Variants in KLHL29 observed in about 807,000 individuals in gnomAD.
The protein encoded by KLHL29 is kelch-like protein 29.
In KLHL29, 21 loss-of-function variants were observed where a neutral mutation model predicts 80.4. The ratio of observed to expected loss-of-function variants is 0.26; its 90% CI spans 0.19 to 0.38. KLHL29 has a LOEUF of 0.38. Ranked by LOEUF, KLHL29 falls within the 10% of genes least tolerant of loss-of-function variation. KLHL29 has a pLI of 1.00. For synonymous variants in KLHL29, 511 were observed against 526.8 expected, an observed-to-expected ratio of 0.97 and a Z score of 0.41; for missense variants, 867 against 1,223.9, an observed-to-expected ratio of 0.71 and a Z score of 4.35.
At chr2:23,426,935 A>G (rs1663021270) in intron 1 of KLHL29, among the ~76,000 whole-genome samples, 1 of 152,306 alleles carries the variant, frequency 6.6e-6, no homozygotes, top group African/African-American at 2.4e-5. Flanking sequence ...AGAAAAGAAC[A>G]TTGCTTTCAA....
intron 3 of KLHL29, among the ~76,000 whole-genome samples, chr2:23,587,420 A>G (rs10204807): frequency 0.81 from 123,814 of 151,978 alleles, 50,695 homozygotes; most frequent in East Asian, 1. Flanking sequence ...CCTTAGAGTC[A>G]GAGGAAATTT....
intron 2 of KLHL29, among the ~76,000 whole-genome samples, chr2:23,504,642 G>A (rs554702239): frequency 8.5e-5 from 13 of 152,252 alleles, no homozygotes; most frequent in African/African-American, 2.9e-4. Flanking sequence ...GAACTGGAAG[G>A]GGGTAGGCAC....
intron 2 of KLHL29, among the ~76,000 whole-genome samples, chr2:23,486,752 C>T (rs926595671): frequency 7.2e-5 from 11 of 152,238 alleles, no homozygotes; most frequent in African/African-American, 2.7e-4. Context: ...GGGCAGCTCC[C>T]TGCTCACCTC....
At chr2:23,636,377 G>T (rs1669609315) in intron 3 of KLHL29, among the ~76,000 whole-genome samples, 1 of 150,804 alleles carries the variant, frequency 6.6e-6, no homozygotes, top group African/African-American at 2.4e-5. Flanking sequence ...AAAATGGGTA[G>T]CCTTATGTAT....
rs1663347354 is a variant in KLHL29 at position 23,436,491 on chromosome 2, A to G, written c.-153-39069A>G. Among the ~76,000 whole-genome samples the G allele has an allele frequency of 2.6e-5, 4 of 151,944 alleles. No individual in the cohort carries two copies. The South Asian group carries it at 8.3e-4, about 32-fold the overall frequency. Reference sequence around the variant, plus strand: ...CTTCCTGTGCTTCAGGAGCAGAATGACTCTCCTCATTGTCTGTGGGTTTAG... The same window carrying G: ...CTTCCTGTGCTTCAGGAGCAGAATGGCTCTCCTCATTGTCTGTGGGTTTAG... On this transcript the variant is annotated intron_variant, in intron 1 of 13. Transcript: ENST00000486442.
At chr2:23,387,012 C>G (rs1054919592) in intron 1 of KLHL29, among the ~76,000 whole-genome samples, 1 of 152,150 alleles carries the variant, frequency 6.6e-6, no homozygotes, top group East Asian at 1.9e-4. Flanking sequence ...CGCGCGGGCC[C>G]CCAGAGATGC....
At chr2:23,541,793 A>G (rs1666846009) in intron 2 of KLHL29, among the ~76,000 whole-genome samples, 1 of 151,688 alleles carries the variant, frequency 6.6e-6, no homozygotes, top group Non-Finnish European at 1.5e-5. Context: ...AAACCATAAA[A>G]CTGGTGCTCC....
intron 2 of KLHL29, among the ~76,000 whole-genome samples, chr2:23,527,776 A>G (rs771680294): frequency 2.0e-5 from 3 of 152,230 alleles, no homozygotes; most frequent in African/African-American, 7.2e-5. Context: ...CCAAGCCTCC[A>G]TAGGAGCAAC....
At chr2:23,570,085 T>A (rs1478990117) in intron 3 of KLHL29, among the ~76,000 whole-genome samples, 1 of 152,206 alleles carries the variant, frequency 6.6e-6, no homozygotes, top group Non-Finnish European at 1.5e-5. Flanking sequence ...TTAATTTTCA[T>A]TGTGAATCTG....
At chr2:23,590,127 A>C (rs1668218923) in intron 3 of KLHL29, among the ~76,000 whole-genome samples, 1 of 152,228 alleles carries the variant, frequency 6.6e-6, no homozygotes, top group Admixed American at 6.5e-5. Flanking sequence ...TCAAGGTCAC[A>C]CAGCATCTAT....
chr2:23,643,182 T>A, intron 5 of KLHL29: 1 of 483,326 alleles, frequency 2.1e-6, no homozygotes, highest in Non-Finnish European at 3.9e-6. Context: ...CAGGCCAAGC[T>A]GCAAAAGGGT....
At chr2:23,535,717 A>G (rs1474014225) in intron 2 of KLHL29, among the ~76,000 whole-genome samples, 2 of 152,174 alleles carry the variant, frequency 1.3e-5, no homozygotes, top group African/African-American at 2.4e-5. Flanking sequence ...ATTCATAGAG[A>G]CGGAAAGTAG....
chr2:23,659,033 G>A (rs1480998959), intron 5 of KLHL29, among the ~76,000 whole-genome samples: 1 of 152,172 alleles, frequency 6.6e-6, no homozygotes, highest in Non-Finnish European at 1.5e-5. Flanking sequence ...TTTCATGTCT[G>A]TCTCCCCCAC....
intron 2 of KLHL29, among the ~76,000 whole-genome samples, chr2:23,485,254 T>C (rs1664904295): frequency 6.6e-6 from 1 of 151,870 alleles, no homozygotes; most frequent in Non-Finnish European, 1.5e-5. Context: ...CTACCGGGAG[T>C]CTTTGGTGGC....
At chr2:23,701,198 A>G (rs955616079) in intron 11 of KLHL29, among the ~76,000 whole-genome samples, 2 of 10,784 alleles carry the variant, frequency 1.9e-4, no homozygotes, top group African/African-American at 2.6e-4. Flanking sequence ...AACTATCTCA[A>G]TGAGCAAACA....
intron 5 of KLHL29, among the ~76,000 whole-genome samples, chr2:23,671,330 C>T (rs922400371): frequency 6.6e-6 from 1 of 152,024 alleles, no homozygotes; most frequent in African/African-American, 2.4e-5. Context: ...ATGCCCAGTT[C>T]TCTCTGCGTC....
intron 13 of KLHL29, among the ~76,000 whole-genome samples, chr2:23,704,630 G>A (rs1340050259): frequency 6.6e-6 from 1 of 152,224 alleles, no homozygotes; most frequent in Non-Finnish European, 1.5e-5. Flanking sequence ...TGCCAGGCGT[G>A]GTGGCATGTG....
chr2:23,394,604 T>C (rs368110570), intron 1 of KLHL29, among the ~76,000 whole-genome samples: 56 of 152,340 alleles, frequency 3.7e-4, no homozygotes, highest in African/African-American at 1.3e-3. Flanking sequence ...AGAGAGCCAA[T>C]ATTCCCTTTT....
chr2:23,604,605 ACCATGTCCT>A (rs1313476711), intron 3 of KLHL29, among the ~76,000 whole-genome samples: 2 of 152,010 alleles, frequency 1.3e-5, no homozygotes, highest in Non-Finnish European at 1.5e-5. Flanking sequence ...TTCTGACACT[ACCATGTCCT>A]GAGAGCTCAG....
Sources: gnomAD v4.1 joint callset for allele counts (sites outside exome capture counted in the v4.1 genomes callset) on GRCh38, gnomAD v4.1.1 for gene constraint, MANE v1.5 for transcripts, NCBI Gene and HGNC (gene_info 2026-07-23, HGNC 2026-07-21) for gene names.